CAPN5: variants seen among roughly 807,000 people sequenced by gnomAD.
CAPN5 encodes the protein calpain 5.
A neutral mutation model predicts 73.0 loss-of-function variants in CAPN5; 54 were observed. That is an observed-to-expected ratio of 0.74 (90% confidence interval 0.59 to 0.93). CAPN5 has a LOEUF of 0.93. Among genes scored for constraint, CAPN5 ranks in the 40% least tolerant of loss-of-function variants. The pLI is 0.00. For missense variants in CAPN5, 785 were observed against 882.9 expected (o/e 0.89, Z 1.41); for synonymous variants, 335 against 356.9 (o/e 0.94, Z 0.69).
At chr11:77,103,754 G>A (rs893455702) in intron 3 of CAPN5, among the ~76,000 whole-genome samples, 13 of 152,332 alleles carry the variant, frequency 8.5e-5, no homozygotes, top group Non-Finnish European at 8.8e-5. Context: ...ATGATGGGGC[G>A]TCTCCACGGG....
At chr11:77,085,645 C>G (rs182376554) in intron 2 of CAPN5, among the ~76,000 whole-genome samples, 35 of 152,226 alleles carry the variant, frequency 2.3e-4, no homozygotes, top group Non-Finnish European at 3.7e-4. Context: ...GAACAGGTGG[C>G]GTCTCTCCGA....
intron 3 of CAPN5, 71 bp from the exon 4 acceptor site, chr11:77,112,518 C>G (rs1338809059): frequency 1.9e-5 from 23 of 1,193,948 alleles, no homozygotes; most frequent in Non-Finnish European, 2.9e-5. Context: ...AAGCACACGC[C>G]CCCATTTCCT....
At chr11:77,077,104 C>T (rs1184215003) in intron 1 of CAPN5, among the ~76,000 whole-genome samples, 1 of 152,200 alleles carries the variant, frequency 6.6e-6, no homozygotes, top group African/African-American at 2.4e-5. Flanking sequence ...TGCCTGTAAT[C>T]CCAGCACTTT....
chr11:77,094,754 C>T (rs1423340550), intron 3 of CAPN5, among the ~76,000 whole-genome samples: 2 of 152,190 alleles, frequency 1.3e-5, no homozygotes, highest in Non-Finnish European at 2.9e-5. Context: ...GTAGCTGTCT[C>T]TCGGGGAGTG....
At chr11:77,115,627 G>A (rs782741845) in intron 6 of CAPN5, 39 bp downstream of exon 6, 19 of 1,558,788 alleles carry the variant, frequency 1.2e-5, no homozygotes, top group Non-Finnish European at 1.1e-5. Flanking sequence ...CAGGGCATGA[G>A]GGCTTGGACA....
chr11:77,109,659 A>T (rs2135469852), intron 3 of CAPN5, among the ~76,000 whole-genome samples: 1 of 152,188 alleles, frequency 6.6e-6, no homozygotes, highest in African/African-American at 2.4e-5. Context: ...ATCTATTTAG[A>T]CAGTCTCCCT....
At chr11:77,087,789 G>A (rs1230911278) in intron 2 of CAPN5, among the ~76,000 whole-genome samples, 3 of 152,034 alleles carry the variant, frequency 2.0e-5, no homozygotes, top group Non-Finnish European at 4.4e-5. Flanking sequence ...GCAACTTTTT[G>A]TTGGGGACCT....
intron 6 of CAPN5, among the ~76,000 whole-genome samples, chr11:77,116,008 G>C (rs966230905): frequency 2.0e-5 from 3 of 152,116 alleles, no homozygotes; most frequent in Admixed American, 2.0e-4. Context: ...AGACCTCCCA[G>C]CCCCTGTCAT....
At chr11:77,093,892 C>T (rs529505097) in intron 3 of CAPN5, 79 bp downstream of exon 3, 185 of 1,554,556 alleles carry the variant, frequency 1.2e-4, no homozygotes, top group Non-Finnish European at 1.5e-4. Context: ...ACAGGCGGAA[C>T]CTGATTGTGG....
At chr11:77,079,800 T>TGG (rs1423425081) in intron 1 of CAPN5, among the ~76,000 whole-genome samples, 16 of 152,046 alleles carry the variant, frequency 1.1e-4, no homozygotes, top group African/African-American at 3.6e-4. Flanking sequence ...TGTGTGTGTG[T>TGG]GTGTGTGTGT....
chr11:77,106,315 C>G (rs371039393), intron 3 of CAPN5, among the ~76,000 whole-genome samples: 2 of 151,374 alleles, frequency 1.3e-5, no homozygotes, highest in East Asian at 3.9e-4. Context: ...CACCCCCTCC[C>G]CAAGCTTGCC....
At position 77,118,315 on chromosome 11, in the gene CAPN5, G is replaced by A; in HGVS notation, c.1130G>A (p.Cys377Tyr). The A allele has an allele frequency of 1.2e-6, 2 of 1,606,418 alleles. No individual in the cohort carries two copies. Among genetic ancestry groups the A allele is most frequent in the Non-Finnish European group, 1.7e-6 (2 of 1,176,172 alleles). The change falls in exon 8 of 13, where the codon TGC becomes TAC. Residue 377 changes from cysteine (C) to tyrosine (Y), a missense_variant. By Grantham distance (194) the Cys-to-Tyr change is radical. Coordinates refer to ENST00000648180, the MANE Select transcript of CAPN5 (RefSeq NM_004055.5). ...EDPRQNRGGG[C>Y]INHKDTFFQN... ...CCGCGACAGAACCGCGGTGGCGGCT[G>A]CATCAACCACAAGGACACCTTCTTC...
chr11:77,069,641 AC>A (rs1380450426), intron 1 of CAPN5, among the ~76,000 whole-genome samples: 1 of 150,810 alleles, frequency 6.6e-6, no homozygotes, highest in African/African-American at 2.4e-5. Flanking sequence ...GGTCTGCAAC[AC>A]CCCCCACCCC....
intron 6 of CAPN5, 68 bp from the exon 7 acceptor site, chr11:77,116,158 C>T (rs1950466089): frequency 2.7e-6 from 4 of 1,465,098 alleles, no homozygotes; most frequent in East Asian, 2.4e-5. Context: ...CTCGCCTTTG[C>T]CAGACAGATT....
chr11:77,115,205 G>A (rs1950453562), intron 5 of CAPN5, among the ~76,000 whole-genome samples, 190 bp from the exon 6 acceptor site: 1 of 152,234 alleles, frequency 6.6e-6, no homozygotes, highest in South Asian at 2.1e-4. Flanking sequence ...GACCCACTAT[G>A]GGCACCTTCC....
intron 2 of CAPN5, among the ~76,000 whole-genome samples, chr11:77,092,239 A>T (rs1950155560): frequency 6.6e-6 from 1 of 152,212 alleles, no homozygotes; most frequent in African/African-American, 2.4e-5. Flanking sequence ...CAAAAACAAA[A>T]AACCCCAAAA....
rs369649104 is a variant in CAPN5, at chr11:77,112,699, C to T, written c.408C>T (p.Ile136=). 354 of 1,614,222 alleles carry T rather than the reference C, an allele frequency of 2.2e-4. 2 individuals are homozygous for T. In the South Asian group the frequency reaches 3.6e-3, roughly 16 times the overall value. The change falls in exon 4 of 13, where the codon ATC becomes ATT. Residue 136 remains isoleucine (I), a synonymous_variant. Transcript: ENST00000648180. ...WRFGEWVDVV[I]DDRLPTVNNQ... The stretch of plus-strand genomic sequence containing the variant: ...TCGGGGAATGGGTGGACGTGGTCAT[C>T]GATGACCGGCTGCCCACAGTCAACA...
In CAPN5 at chr11:77,122,608, G is replaced by A; in HGVS notation, c.1636G>A (p.Gly546Arg). 1.9e-6 allele frequency: 3 copies of A among 1,613,552 alleles called. No homozygotes were observed. Among genetic ancestry groups the A allele is most frequent in the Non-Finnish European group, 2.5e-6 (3 of 1,179,844 alleles). ...ANSYVIIKCE[G>R]DKVRSAVQKG... ...CTCTTATGTGATCATCAAGTGTGAG[G>A]GAGACAAAGTCCGCTCGGCTGTGCA... The change falls in exon 12 of 13, where the codon GGA (glycine) becomes AGA (arginine). Residue 546 changes from glycine to arginine, a missense_variant. Gly to Arg is a moderately radical substitution (Grantham distance 125). Transcript: ENST00000648180.
Position 77,067,014 on chromosome 11 carries a change from G to C in CAPN5, c.-116G>C, listed in dbSNP as rs541400476. The C allele has an allele frequency of 5.3e-5, 8 of 152,074 alleles. No homozygotes were observed. Among genetic ancestry groups the C allele is most frequent in the African/African-American group, 7.2e-5 (3 of 41,444 alleles). 9.4% of individuals were successfully genotyped at this position (152,074 alleles called of 1,614,324 possible). ...GGCCAGAGCCCGAGGCTGCTGCGCCGGGCGGCTGCAGCCTCCGCTCCAGCG... is the reference window on the plus strand; with the variant it reads ...GGCCAGAGCCCGAGGCTGCTGCGCCCGGCGGCTGCAGCCTCCGCTCCAGCG... On this transcript the variant is annotated 5_prime_UTR_variant, in exon 1 of 13. Transcript: ENST00000648180.
Sources: gnomAD v4.1 joint callset for allele counts (sites outside exome capture counted in the v4.1 genomes callset) on GRCh38, gnomAD v4.1.1 for gene constraint, MANE v1.5 for transcripts, NCBI Gene and HGNC (gene_info 2026-07-23, HGNC 2026-07-21) for gene names.